The following EYS variants were observed in gnomAD, a reference collection of about 807,000 sequenced individuals.
EYS encodes the protein protein eyes shut homolog.
In EYS, 250 loss-of-function variants were observed where a neutral mutation model predicts 282.1. The ratio of observed to expected loss-of-function variants is 0.89; its 90% CI spans 0.80 to 0.98. The LOEUF is 0.98. Among genes scored for constraint, EYS ranks in the 50% least tolerant of loss-of-function variants. The pLI is 0.00. For synonymous variants in EYS, 1,355 were observed against 1,282.9 expected (o/e 1.06, Z -1.20); for missense variants, 4,016 against 3,709.0 (o/e 1.08, Z -2.15).
chr6:65,373,884 G>C (rs1765255547), intron 8 of EYS, among the ~76,000 whole-genome samples: 1 of 151,982 alleles, frequency 6.6e-6, no homozygotes, highest in Admixed American at 6.6e-5. Context: ...GGCACATACT[G>C]CTGAACTGCC....
chr6:63,983,491 C>G (rs1767202958), intron 35 of EYS, among the ~76,000 whole-genome samples: 1 of 151,616 alleles, frequency 6.6e-6, no homozygotes, highest in African/African-American at 2.4e-5. Flanking sequence ...TTGTTTCTGT[C>G]TACCATTTTT....
chr6:63,733,806 G>A (rs1470661329), intron 41 of EYS, among the ~76,000 whole-genome samples: 1 of 152,036 alleles, frequency 6.6e-6, no homozygotes, highest in Non-Finnish European at 1.5e-5. Flanking sequence ...TTTTATAATG[G>A]GCAGTGAGCA....
chr6:64,687,170 A>G (rs7772121), intron 22 of EYS, among the ~76,000 whole-genome samples: 97,284 of 151,350 alleles, frequency 0.64, 33,349 homozygotes, highest in Non-Finnish European at 0.77. Context: ...AGAGAAAGAA[A>G]CACATTCCAA....
At position 65,525,227 on chromosome 6, in the gene EYS, C is replaced by G. The variant is rs534307956; in HGVS notation, c.-332-29234G>C. 5.3e-5 allele frequency among the ~76,000 whole-genome samples: 8 copies of G among 152,238 alleles called. No homozygotes were observed. In the South Asian group the frequency reaches 1.7e-3, roughly 32 times the overall value. ...AACCACTGAGAAGTCACTGAAAAAA[C>G]TGGGGAATCATGACTGGTATCCATA... On this transcript the variant is annotated intron_variant, in intron 2 of 42. Coordinates refer to ENST00000503581, the MANE Select transcript of EYS (RefSeq NM_001142800.2).
At chr6:64,815,085 T>C (rs1206967814) in intron 21 of EYS, 1 of 208,870 alleles carries the variant, frequency 4.8e-6, no homozygotes, top group African/African-American at 2.4e-5. Context: ...CAATTAGAAA[T>C]GAATTGTGCA....
At chr6:65,359,520 T>G (rs995937440) in intron 8 of EYS, among the ~76,000 whole-genome samples, 3 of 152,026 alleles carry the variant, frequency 2.0e-5, no homozygotes, top group African/African-American at 4.8e-5. Flanking sequence ...GAAATCTTGC[T>G]TTTCATGATG....
chr6:65,606,813 A>G (rs1469473455), intron 2 of EYS, among the ~76,000 whole-genome samples: 5 of 151,876 alleles, frequency 3.3e-5, no homozygotes, highest in Non-Finnish European at 5.9e-5. Context: ...ACAGACAGAT[A>G]TAAGTAAAAA....
chr6:65,513,815 C>T (rs1003577571), intron 2 of EYS, among the ~76,000 whole-genome samples: 2 of 150,770 alleles, frequency 1.3e-5, no homozygotes, highest in African/African-American at 4.9e-5. Flanking sequence ...CTATCTATGA[C>T]AAACCCACAG....
intron 26 of EYS, among the ~76,000 whole-genome samples, chr6:64,452,166 G>C (rs62418123): frequency 2.6e-5 from 4 of 152,086 alleles, no homozygotes; most frequent in Non-Finnish European, 5.9e-5. Flanking sequence ...AAAGTCTCAG[G>C]ATACAAAATC....
intron 15 of EYS, among the ~76,000 whole-genome samples, chr6:64,921,132 T>G (rs980071778): frequency 6.6e-6 from 1 of 152,130 alleles, no homozygotes; most frequent in Non-Finnish European, 1.5e-5. Context: ...GTAACATGTA[T>G]TAAAACTATA....
chr6:64,274,421 T>A (rs1768039148), intron 30 of EYS, among the ~76,000 whole-genome samples: 1 of 151,090 alleles, frequency 6.6e-6, no homozygotes, highest in African/African-American at 2.4e-5. Flanking sequence ...ATCTGTCTGC[T>A]GTCTGCCTCT....
chr6:65,594,504 T>A (rs999822448), intron 2 of EYS, among the ~76,000 whole-genome samples: 2 of 152,042 alleles, frequency 1.3e-5, no homozygotes, highest in Non-Finnish European at 2.9e-5. Context: ...TTTCCTTTTT[T>A]TATATATATT....
rs1769974570 is a variant in EYS at position 63,772,985 on chromosome 6, AT to A, written c.7898+5020del. On this transcript the variant is annotated intron_variant, in intron 40 of 42. Coordinates refer to ENST00000503581, the MANE Select transcript of EYS (RefSeq NM_001142800.2). ...TTTTCTTACATGTTTCTTTACCCTG[AT>A]TTTTTTCACTTAATAAGTCCTGAGG... Among the ~76,000 whole-genome samples the A allele has an allele frequency of 2.0e-5, 3 of 151,858 alleles. No homozygotes were observed. The Middle Eastern group carries it at 0.01, about 517-fold the overall frequency.
At chr6:63,802,371 AGATT>A (rs1490534232) in intron 37 of EYS, among the ~76,000 whole-genome samples, 1 of 152,116 alleles carries the variant, frequency 6.6e-6, no homozygotes, top group Non-Finnish European at 1.5e-5. Context: ...CCTAGATGAC[AGATT>A]GATAGATGCA....
At chr6:64,748,298 G>A (rs144315659) in intron 22 of EYS, among the ~76,000 whole-genome samples, 157 of 152,266 alleles carry the variant, frequency 1.0e-3, no homozygotes, top group African/African-American at 2.3e-3. Context: ...ATAGAGCAGC[G>A]CTCCCCAACA....
At chr6:64,693,302 C>G (rs564647746) in intron 22 of EYS, among the ~76,000 whole-genome samples, 13 of 151,642 alleles carry the variant, frequency 8.6e-5, no homozygotes, top group Admixed American at 4.6e-4. Context: ...TAGAAATTGG[C>G]AAGCAAATTC....
intron 11 of EYS, among the ~76,000 whole-genome samples, chr6:65,306,668 A>AAAG (rs1769013300): frequency 6.8e-6 from 1 of 146,678 alleles, no homozygotes; most frequent in South Asian, 2.1e-4. Flanking sequence ...GATAAAAAAA[A>AAAG]AAAGAAAGAA....
At chr6:65,628,889 C>A (rs530408143) in intron 2 of EYS, among the ~76,000 whole-genome samples, 184 of 152,326 alleles carry the variant, frequency 1.2e-3, no homozygotes, top group Middle Eastern at 3.4e-3. Flanking sequence ...AAGAGATGAG[C>A]TTGGAAAATA....
At chr6:65,035,352 C>T (rs1439176552) in intron 13 of EYS, among the ~76,000 whole-genome samples, 1 of 151,920 alleles carries the variant, frequency 6.6e-6, no homozygotes, top group Non-Finnish European at 1.5e-5. Flanking sequence ...CTAGTCAGAG[C>T]AATCAGTCAA....
Sources: gnomAD v4.1 joint callset for allele counts (sites outside exome capture counted in the v4.1 genomes callset) on GRCh38, gnomAD v4.1.1 for gene constraint, MANE v1.5 for transcripts, NCBI Gene and HGNC (gene_info 2026-07-23, HGNC 2026-07-21) for gene names.